The following ATG7 variants were observed in gnomAD, a reference collection of about 807,000 sequenced individuals.
ATG7 encodes the protein autophagy related 7, also known as ubiquitin-like modifier-activating enzyme ATG7.
ATG7 carries 70 observed loss-of-function variants against 82.4 expected under a neutral mutation model. The observed-to-expected ratio is 0.85, with a 90% CI of 0.70 to 1.04. The LOEUF (loss-of-function observed/expected upper bound fraction) is 1.04. Among genes scored for constraint, ATG7 ranks in the 50% least tolerant of loss-of-function variants. The pLI, the probability that ATG7 is intolerant of heterozygous loss-of-function variation, is 0.00. For missense variants in ATG7, 792 were observed against 864.3 expected, an observed-to-expected ratio of 0.92 and a Z score of 1.05; for synonymous variants, 287 against 313.0, an observed-to-expected ratio of 0.92 and a Z score of 0.88.
At chr3:11,453,341 A>G (rs2085381635) in intron 20 of ATG7, among the ~76,000 whole-genome samples, 1 of 152,238 alleles carries the variant, frequency 6.6e-6, no homozygotes, top group African/African-American at 2.4e-5. Context: ...AGGGTAATCC[A>G]GAGCCATCTT....
intron 19 of ATG7, among the ~76,000 whole-genome samples, chr3:11,416,168 T>G (rs2081359038): frequency 6.6e-6 from 1 of 152,252 alleles, no homozygotes; most frequent in Non-Finnish European, 1.5e-5. Context: ...GTCTGTAGTT[T>G]TCTAGTAATG....
At chr3:11,433,481 A>G (rs1356316977) in intron 20 of ATG7, among the ~76,000 whole-genome samples, 2 of 152,150 alleles carry the variant, frequency 1.3e-5, no homozygotes, top group East Asian at 3.9e-4. Flanking sequence ...TGGGTTCAAC[A>G]TCATACTATG....
intron 20 of ATG7, among the ~76,000 whole-genome samples, chr3:11,460,883 A>C (rs914789376): frequency 1.3e-5 from 2 of 152,226 alleles, no homozygotes; most frequent in Non-Finnish European, 2.9e-5. Flanking sequence ...GATTCCATCC[A>C]TGTGTATGGA....
At chr3:11,389,456 T>A (rs113399231) in intron 19 of ATG7, among the ~76,000 whole-genome samples, 6,985 of 146,880 alleles carry the variant, frequency 0.048, 218 homozygotes, top group African/African-American at 0.084. Context: ...TTTTTTTTTT[T>A]AACACAGAAT....
At chr3:11,482,037 C>CT (rs1347847792) in intron 20 of ATG7, among the ~76,000 whole-genome samples, 1 of 152,182 alleles carries the variant, frequency 6.6e-6, no homozygotes, top group Non-Finnish European at 1.5e-5. Context: ...TCAAGGAGCC[C>CT]TTAATTCTCC....
chr3:11,455,491 C>T (rs1347533299), intron 20 of ATG7, among the ~76,000 whole-genome samples: 2 of 152,200 alleles, frequency 1.3e-5, no homozygotes, highest in Non-Finnish European at 2.9e-5. Context: ...CTATTCTGGC[C>T]TCCAGCATAC....
At chr3:11,414,300 A>T (rs963754977) in intron 19 of ATG7, among the ~76,000 whole-genome samples, 3 of 152,118 alleles carry the variant, frequency 2.0e-5, no homozygotes, top group African/African-American at 7.2e-5. Flanking sequence ...TCCTGACTTC[A>T]GGTCATCCAC....
intron 20 of ATG7, among the ~76,000 whole-genome samples, chr3:11,506,187 A>G (rs2153068866): frequency 6.6e-6 from 1 of 152,318 alleles, no homozygotes; most frequent in Middle Eastern, 3.4e-3. Context: ...GGTATAGGCT[A>G]AGGTACTATA....
intron 20 of ATG7, among the ~76,000 whole-genome samples, chr3:11,449,455 G>A (rs1040417251): frequency 6.6e-6 from 1 of 152,190 alleles, no homozygotes; most frequent in Non-Finnish European, 1.5e-5. Context: ...GTACTTTTAA[G>A]GGAATGAAAA....
At chr3:11,341,493 G>C (rs1953617011) in intron 12 of ATG7, among the ~76,000 whole-genome samples, 2 of 149,974 alleles carry the variant, frequency 1.3e-5, no homozygotes, top group South Asian at 4.2e-4. Context: ...TGTTGCCCAA[G>C]CTGGAGTGCA....
intron 1 of ATG7, among the ~76,000 whole-genome samples, chr3:11,278,380 G>C (rs1309829715): frequency 6.6e-6 from 1 of 152,218 alleles, no homozygotes; most frequent in East Asian, 1.9e-4. Flanking sequence ...TTTGGGAACT[G>C]ATATATGTCC....
At chr3:11,564,694 C>T in the ATG7 span, 1 of 1,388,714 alleles carries the variant, frequency 7.2e-7, no homozygotes, top group Admixed American at 2.2e-5. Flanking sequence ...CACCACCTCC[C>T]TCCCTCACCA....
intron 5 of ATG7, among the ~76,000 whole-genome samples, chr3:11,306,117 G>T (rs551649646): frequency 0.026 from 3,922 of 152,244 alleles, 173 homozygotes; most frequent in African/African-American, 0.087. Flanking sequence ...TTACTCTGAG[G>T]ACTGTGAGGC....
chr3:11,295,906 G>C (rs1945823244), intron 3 of ATG7, among the ~76,000 whole-genome samples: 1 of 151,776 alleles, frequency 6.6e-6, no homozygotes, highest in Non-Finnish European at 1.5e-5. Flanking sequence ...AGCCTCCCAA[G>C]TAGCTGGGAT....
intron 11 of ATG7, among the ~76,000 whole-genome samples, chr3:11,335,845 G>C (rs1417063640): frequency 6.6e-6 from 1 of 151,886 alleles, no homozygotes; most frequent in African/African-American, 2.4e-5. Context: ...TTACAGTCGC[G>C]TGCCACCACG....
At chr3:11,335,974 G>A (rs2152762921) in intron 11 of ATG7, among the ~76,000 whole-genome samples, 1 of 151,460 alleles carries the variant, frequency 6.6e-6, no homozygotes, top group South Asian at 2.1e-4. Context: ...AGGGATTACA[G>A]ATCCACCCGC....
chr3:11,437,201 T>C (rs1441147649), intron 20 of ATG7, among the ~76,000 whole-genome samples: 1 of 152,232 alleles, frequency 6.6e-6, no homozygotes, highest in South Asian at 2.1e-4. Flanking sequence ...TGTCGTAGGA[T>C]GTTAGCTCAT....
intron 3 of ATG7, among the ~76,000 whole-genome samples, chr3:11,288,928 G>A (rs977552753): frequency 1.3e-5 from 2 of 152,158 alleles, no homozygotes; most frequent in African/African-American, 4.8e-5. Context: ...GCTACTGCAG[G>A]CTTTCTTACA....
At chr3:11,390,256 A>T (rs766805776) in intron 19 of ATG7, among the ~76,000 whole-genome samples, 8 of 152,270 alleles carry the variant, frequency 5.3e-5, no homozygotes, top group Non-Finnish European at 1.2e-4. Flanking sequence ...GATTTTAATC[A>T]TAAGGCACAC....
Sources: allele counts gnomAD v4.1 joint callset (sites outside exome capture counted in the v4.1 genomes callset), GRCh38; gene constraint gnomAD v4.1.1; transcripts MANE v1.5; gene names NCBI Gene and HGNC (gene_info 2026-07-23, HGNC 2026-07-21).